Variants in FBXL5 observed in about 807,000 individuals in gnomAD.
FBXL5 encodes the protein F-box/LRR-repeat protein 5.
FBXL5 carries 26 observed loss-of-function variants against 78.3 expected under a neutral mutation model. The ratio of observed to expected loss-of-function variants is 0.33; its 90% CI spans 0.24 to 0.46. FBXL5 has a LOEUF of 0.46. Among genes scored for constraint, FBXL5 ranks in the 20% least tolerant of loss-of-function variants. The pLI is 1.00. For missense variants in FBXL5, 710 were observed against 829.2 expected, an observed-to-expected ratio of 0.86 and a Z score of 1.77; for synonymous variants, 295 against 282.5, an observed-to-expected ratio of 1.04 and a Z score of -0.45.
At chr4:15,616,061 G>T (rs950961010) in intron 9 of FBXL5, among the ~76,000 whole-genome samples, 1 of 151,430 alleles carries the variant, frequency 6.6e-6, no homozygotes, top group African/African-American at 2.4e-5. Context: ...CTCCAGACGC[G>T]CTGCCTTAAG....
intron 1 of FBXL5, among the ~76,000 whole-genome samples, chr4:15,666,613 A>C (rs1717556932): frequency 6.6e-6 from 1 of 152,028 alleles, no homozygotes; most frequent in Admixed American, 6.6e-5. Flanking sequence ...ATAATAATAA[A>C]TATTTCAAAA....
intron 9 of FBXL5, among the ~76,000 whole-genome samples, chr4:15,618,333 G>A (rs1712119037): frequency 6.6e-6 from 1 of 152,080 alleles, no homozygotes; most frequent in African/African-American, 2.4e-5. Context: ...GGAGTCTGAA[G>A]GCAGCCTGGG....
At position 15,669,995 on chromosome 4, in the gene FBXL5, G is replaced by T. The variant is rs538322793; in HGVS notation, c.-283-10073C>A. ...AAAAGGACATTATTATAGAAATTTT[G>T]AAAGAAATAAAATTAGAGCTACTGT... On this transcript the variant is annotated intron_variant, in intron 1 of 4. Coordinates refer to the FBXL5 transcript ENST00000507899. Among the ~76,000 whole-genome samples, 13 of 152,224 alleles carry T rather than the reference G, an allele frequency of 8.5e-5. No homozygotes were observed. In the East Asian group the frequency reaches 2.5e-3, roughly 29 times the overall value.
At position 15,624,422 on chromosome 4, in the gene FBXL5, T is replaced by C. The variant is rs561770355; in HGVS notation, c.1850+830A>G. Among the ~76,000 whole-genome samples, 53 of 152,188 alleles carry C rather than the reference T, an allele frequency of 3.5e-4. No individual in the cohort carries two copies. In the South Asian group the frequency reaches 4.8e-3, roughly 14 times the overall value. On this transcript the variant is annotated intron_variant, in intron 9 of 10. Coordinates refer to ENST00000341285, the MANE Select transcript of FBXL5 (RefSeq NM_012161.4). The stretch of plus-strand genomic sequence containing the variant: ...CAGAAAAAAGCAAAATCAATCTACA[T>C]CAAGTCTGCCATGCTCCCAAGTCAG...
intron 2 of FBXL5, 75 bp downstream of exon 2, chr4:15,644,418 G>C (rs1291150615): frequency 3.4e-6 from 4 of 1,163,812 alleles, no homozygotes; most frequent in Admixed American, 2.0e-5. Flanking sequence ...CTATAAAACA[G>C]TGACAAGTTT....
chr4:15,672,644 G>GT (rs1717813920), intron 1 of FBXL5, among the ~76,000 whole-genome samples: 1 of 152,160 alleles, frequency 6.6e-6, no homozygotes, highest in Non-Finnish European at 1.5e-5. Context: ...GTTGTTCTGG[G>GT]TAAGTCAGTG....
chr4:15,632,536 C>T (rs1713785921), intron 5 of FBXL5, among the ~76,000 whole-genome samples: 2 of 152,178 alleles, frequency 1.3e-5, no homozygotes, highest in African/African-American at 4.8e-5. Flanking sequence ...CTGATTCTTC[C>T]TATCCATGAG....
chr4:15,664,715 G>A (rs201041086), upstream of FBXL5, among the ~76,000 whole-genome samples: 68 of 151,514 alleles, frequency 4.5e-4, no homozygotes, highest in East Asian at 0.012. Flanking sequence ...CTGATACCAC[G>A]CCCGGCTAAC....
upstream of FBXL5, among the ~76,000 whole-genome samples, chr4:15,662,249 T>C (rs780691336): frequency 7.2e-5 from 11 of 152,192 alleles, no homozygotes; most frequent in Non-Finnish European, 1.2e-4. Context: ...AGCTCTACTT[T>C]ATTTAGGGGC....
chr4:15,649,859 A>C (rs1715770086), intron 1 of FBXL5, among the ~76,000 whole-genome samples: 1 of 152,304 alleles, frequency 6.6e-6, no homozygotes, highest in East Asian at 1.9e-4. Flanking sequence ...ACAGAGTCTC[A>C]GGAAGAAAAT....
intron 9 of FBXL5, among the ~76,000 whole-genome samples, chr4:15,624,838 C>T (rs1272809001): frequency 6.6e-6 from 1 of 152,098 alleles, no homozygotes; most frequent in Non-Finnish European, 1.5e-5. Context: ...TAAATGACTT[C>T]CAGGGACAGC....
chr4:15,617,861 G>T (rs886198359), intron 9 of FBXL5, among the ~76,000 whole-genome samples: 3 of 152,162 alleles, frequency 2.0e-5, no homozygotes, highest in African/African-American at 7.2e-5. Flanking sequence ...AGTAAATGCT[G>T]GGATTAATAC....
At chr4:15,646,791 C>T (rs559233818) in intron 1 of FBXL5, among the ~76,000 whole-genome samples, 3 of 150,348 alleles carry the variant, frequency 2.0e-5, no homozygotes, top group African/African-American at 7.3e-5. Context: ...TGAGAACATG[C>T]GGTGTTTGGT....
intron 9 of FBXL5, among the ~76,000 whole-genome samples, chr4:15,616,442 T>G (rs1711892471): frequency 6.6e-6 from 1 of 152,170 alleles, no homozygotes; most frequent in Non-Finnish European, 1.5e-5. Context: ...GCTAAGATCT[T>G]GCCCAGACTA....
At chr4:15,619,666 C>T (rs1188462817) in intron 9 of FBXL5, among the ~76,000 whole-genome samples, 1 of 151,994 alleles carries the variant, frequency 6.6e-6, no homozygotes, top group African/African-American at 2.4e-5. Flanking sequence ...AGCAATTAGA[C>T]AAGAAAAAGA....
At chr4:15,615,220 G>A (rs568157128) in intron 9 of FBXL5, among the ~76,000 whole-genome samples, 4 of 152,248 alleles carry the variant, frequency 2.6e-5, no homozygotes, top group South Asian at 2.1e-4. Context: ...CTCCTGTGCC[G>A]CCCCAGCCTC....
chr4:15,604,826 T>A lies in FBXL5; in HGVS notation c.*897A>T, dbSNP rs370971976. Reference sequence around the variant, plus strand: ...GTAGATATACTTACGGATTCAAATTTTGACTACTGAATAACTCATTTCAAA... The same window carrying A: ...GTAGATATACTTACGGATTCAAATTATGACTACTGAATAACTCATTTCAAA... On this transcript the variant is annotated 3_prime_UTR_variant, in exon 11 of 11. Coordinates refer to ENST00000341285, the MANE Select transcript of FBXL5 (RefSeq NM_012161.4). The A allele has an allele frequency of 6.6e-6, 1 of 152,220 alleles. No homozygotes were observed. The highest frequency in any genetic ancestry group is 1.5e-5 in the Non-Finnish European group (1 of 68,032). 9.4% of individuals were successfully genotyped at this position (152,220 alleles called of 1,614,324 possible). A position where few individuals can be genotyped will look rare whatever the true frequency, so the allele number is the denominator to read the frequency against.
chr4:15,653,407 T>G (rs1013094199), intron 1 of FBXL5, among the ~76,000 whole-genome samples: 3 of 152,204 alleles, frequency 2.0e-5, no homozygotes, highest in Admixed American at 2.0e-4. Context: ...CTTGAAAATT[T>G]TAAAATAAGG....
chr4:15,641,652 C>G (rs1177322299), intron 2 of FBXL5: 3 of 448,814 alleles, frequency 6.7e-6, no homozygotes, highest in Non-Finnish European at 1.3e-5. Context: ...TTGAGAGATT[C>G]AAAAGTTATA....
Sources: allele counts gnomAD v4.1 joint callset (sites outside exome capture counted in the v4.1 genomes callset), GRCh38; gene constraint gnomAD v4.1.1; transcripts MANE v1.5; gene names NCBI Gene and HGNC (gene_info 2026-07-23, HGNC 2026-07-21).